ECE1: variants seen among roughly 807,000 people sequenced by gnomAD.
ECE1 encodes the protein endothelin converting enzyme 1, also known as endothelin-converting enzyme 1.
Under a neutral mutation model 98.6 loss-of-function variants are expected in ECE1, and 35 were observed. The observed-to-expected ratio is 0.35, with a 90% CI of 0.27 to 0.47. The LOEUF (loss-of-function observed/expected upper bound fraction) is 0.47, where lower values mean the gene tolerates loss of function less well. Among genes scored for constraint, ECE1 ranks in the 20% least tolerant of loss-of-function variants. ECE1 has a pLI of 1.00. For missense variants in ECE1, 814 were observed against 1,025.3 expected, an observed-to-expected ratio of 0.79 and a Z score of 2.81; for synonymous variants, 394 against 407.1, an observed-to-expected ratio of 0.97 and a Z score of 0.39.
At chr1:21,245,402 C>G (rs1327009457) in intron 9 of ECE1, among the ~76,000 whole-genome samples, 1 of 152,176 alleles carries the variant, frequency 6.6e-6, no homozygotes, top group Non-Finnish European at 1.5e-5. Context: ...CTATGAAGCC[C>G]CAGCATGGAG....
intron 3 of ECE1, among the ~76,000 whole-genome samples, chr1:21,274,410 C>T (rs574266220): frequency 3.3e-5 from 5 of 152,310 alleles, no homozygotes; most frequent in African/African-American, 1.2e-4. Context: ...CAGCTTTCTA[C>T]GTTTGCCAGT....
At chr1:21,238,939 C>G (rs1038030318) in intron 10 of ECE1, among the ~76,000 whole-genome samples, 40 of 152,170 alleles carry the variant, frequency 2.6e-4, no homozygotes, top group Admixed American at 2.4e-3. Context: ...CTTAGCCTCC[C>G]GAGTAGCTGG....
At position 21,254,600 on chromosome 1, in the gene ECE1, C is replaced by T. The variant is rs555040481; in HGVS notation, c.1020+1347G>A. On this transcript the variant is annotated intron_variant, in intron 8 of 18. Coordinates refer to ENST00000374893, the MANE Select transcript of ECE1 (RefSeq NM_001397.3). Reference sequence around the variant, plus strand: ...CGCTATTCCTGGCACAGACAGTTGGCATCATGGCCACGGTAGGGGGCTGAG... The same window carrying T: ...CGCTATTCCTGGCACAGACAGTTGGTATCATGGCCACGGTAGGGGGCTGAG... Among the ~76,000 whole-genome samples, 18 of 152,326 alleles carry T rather than the reference C, an allele frequency of 1.2e-4. No homozygotes were observed. In the South Asian group the frequency reaches 3.7e-3, roughly 32 times the overall value.
At chr1:21,344,281 G>A (rs1366787243) in intron 1 of ECE1, among the ~76,000 whole-genome samples, 1 of 152,078 alleles carries the variant, frequency 6.6e-6, no homozygotes, top group African/African-American at 2.4e-5. Context: ...CCATCCAGGC[G>A]CCCTCGGGCT....
intron 1 of ECE1, among the ~76,000 whole-genome samples, chr1:21,336,713 G>A (rs1018077365): frequency 1.3e-5 from 2 of 151,728 alleles, no homozygotes; most frequent in Non-Finnish European, 2.9e-5. Flanking sequence ...CGTGGTGGCG[G>A]GCACCTGTAG....
intron 1 of ECE1, among the ~76,000 whole-genome samples, chr1:21,328,298 A>G (rs1639125705): frequency 6.6e-6 from 1 of 152,196 alleles, no homozygotes; most frequent in Admixed American, 6.5e-5. Flanking sequence ...AAACTCCCAT[A>G]GCAACCTGCT....
chr1:21,226,717 A>C (rs2098174706), intron 16 of ECE1, among the ~76,000 whole-genome samples: 1 of 152,112 alleles, frequency 6.6e-6, no homozygotes, highest in African/African-American at 2.4e-5. Context: ...TTCTTAGTAG[A>C]TACAATTTTA....
In ECE1 at chr1:21,220,142, G is replaced by T; in HGVS notation, c.2137-11C>A. 1 of 1,605,170 alleles carries T rather than the reference G, an allele frequency of 6.2e-7. No individual in the cohort carries two copies. Among genetic ancestry groups the T allele is most frequent in the East Asian group, 2.2e-5 (1 of 44,708 alleles). ...GACGGAGCACCAGACCTTTGAAGGG[G>T]CAACAGGGAGAGGCCAGGGTCACTG... On this transcript the variant is annotated splice_polypyrimidine_tract_variant and intron_variant, in intron 18 of 18. Transcript: ENST00000374893. This position sits in a 1 kb window ranked among gnomAD's most constrained non-coding sequence, Gnocchi z 5.0.
chr1:21,293,033 A>G (rs1638249204), upstream of ECE1, among the ~76,000 whole-genome samples: 1 of 152,228 alleles, frequency 6.6e-6, no homozygotes, highest in Non-Finnish European at 1.5e-5. Context: ...AGTTCAGTTC[A>G]CAGAACATCT....
In ECE1 at chr1:21,290,053, G is replaced by T. The variant is rs372861114; in HGVS notation, c.138+17C>A. 2.3e-5 allele frequency: 33 copies of T among 1,452,704 alleles called. No individual in the cohort carries two copies. In the East Asian group the frequency reaches 6.9e-4, roughly 31 times the overall value. 90.0% of individuals were successfully genotyped at this position (1,452,704 alleles called of 1,614,324 possible). A position where few individuals can be genotyped will look rare whatever the true frequency, so the allele number is the denominator to read the frequency against. ...CCCGGGGCGCCTGGACCTCGGGAGGGAGCGGAGGGCGCCTACCTGCAGGCC... is the reference window on the plus strand; with the variant it reads ...CCCGGGGCGCCTGGACCTCGGGAGGTAGCGGAGGGCGCCTACCTGCAGGCC... On this transcript the variant is annotated intron_variant, in intron 2 of 18. Transcript: ENST00000374893. The surrounding 1 kb of genome is among the most constrained non-coding windows in gnomAD (Gnocchi z 7.3).
At chr1:21,296,123 C>T (rs1275385044) in intron 1 of ECE1, among the ~76,000 whole-genome samples, 2 of 152,124 alleles carry the variant, frequency 1.3e-5, no homozygotes, top group African/African-American at 4.8e-5. Flanking sequence ...TTTGTTGTTA[C>T]TCTAGCCCTG....
chr1:21,245,132 AGGGACAC>A, intron 9 of ECE1, 29 bp from the exon 10 acceptor site: 1 of 1,589,942 alleles, frequency 6.3e-7, no homozygotes, highest in Non-Finnish European at 8.6e-7. Flanking sequence ...AGAGAGGCTC[AGGGACAC>A]CTAGGCAGGG....
chr1:21,265,519 G>A lies in ECE1; in HGVS notation c.494-5127C>T, dbSNP rs2236845. Among the ~76,000 whole-genome samples, 957 of 152,280 alleles carry A rather than the reference G, an allele frequency of 6.3e-3. 9 individuals are homozygous for A. Among genetic ancestry groups the A allele is most frequent in the Middle Eastern group, 0.027 (8 of 292 alleles). ...TGTACTCCAGCCTGGGCGACAGATCGAGACTTGGTTTCAAACAAAACAAAA... is the reference window on the plus strand; with the variant it reads ...TGTACTCCAGCCTGGGCGACAGATCAAGACTTGGTTTCAAACAAAACAAAA... On this transcript the variant is annotated intron_variant, in intron 4 of 18. Coordinates refer to ENST00000374893, the MANE Select transcript of ECE1 (RefSeq NM_001397.3).
chr1:21,308,780 A>G lies in ECE1; in HGVS notation c.4-18624T>C, dbSNP rs74747974. On this transcript the variant is annotated intron_variant, in intron 1 of 18. Coordinates refer to the ECE1 transcript ENST00000415912. The stretch of plus-strand genomic sequence containing the variant: ...AGCTGGGGCCTGAGCGAATGCTGCA[A>G]GTCCCCCAGGGCTCCTTCTCTGATG... Among the ~76,000 whole-genome samples, 968 of 152,096 alleles carry G rather than the reference A, an allele frequency of 6.4e-3. 6 individuals carry two copies. The highest frequency in any genetic ancestry group is 0.022 in the African/African-American group (893 of 41,498).
intron 3 of ECE1, among the ~76,000 whole-genome samples, chr1:21,277,789 C>A (rs1390073399): frequency 6.6e-6 from 1 of 152,216 alleles, no homozygotes; most frequent in African/African-American, 2.4e-5. Context: ...GCATTAAGCA[C>A]CTGCTGAGCC....
Position 21,286,098 on chromosome 1 carries a change from C to G in ECE1, c.138+3972G>C, listed in dbSNP as rs1025662346. On this transcript the variant is annotated intron_variant, in intron 2 of 18. Coordinates refer to ENST00000374893, the MANE Select transcript of ECE1 (RefSeq NM_001397.3). ...TATCTCACCTTTCTTTTTTTCTTAA[C>G]AACAACAAAAAAAGATTTTTAGAAG... 2.7e-5 allele frequency among the ~76,000 whole-genome samples: 4 copies of G among 150,134 alleles called. No individual in the cohort carries two copies. In the East Asian group the frequency reaches 7.7e-4, roughly 29 times the overall value.
intron 2 of ECE1, among the ~76,000 whole-genome samples, chr1:21,284,082 ACCGATCTGCTTCCAATGG>A: frequency 6.6e-6 from 1 of 152,280 alleles, no homozygotes; most frequent in East Asian, 1.9e-4. Flanking sequence ...GAGTCAGGGC[ACCGATCTGCTTCCAATGG>A]CCGCTGGCCT....
rs1437588994 is a variant in ECE1 at position 21,322,705 on chromosome 1, G to A, written c.3+22671C>T. 1.3e-5 allele frequency among the ~76,000 whole-genome samples: 2 copies of A among 152,354 alleles called. No homozygotes were observed. Among genetic ancestry groups the A allele is most frequent in the Non-Finnish European group, 1.5e-5 (1 of 68,036 alleles). ...CAAGAAAACCCAGCGATGGAGAGGA[G>A]AGGCACAGGAAAGGGGGCAGACAGA... On this transcript the variant is annotated intron_variant, in intron 1 of 18. Transcript: ENST00000415912. The surrounding 1 kb of genome is among the most constrained non-coding windows in gnomAD (Gnocchi z 4.1).
rs1262472291 is a variant in ECE1, at chr1:21,217,572, C to T, written c.*2383G>A. On this transcript the variant is annotated 3_prime_UTR_variant, in exon 19 of 19. Transcript: ENST00000374893. ...TCGGGCTGCACCCCCAGCCCTAGGA[C>T]ACCTGCCTGTGTCCAGGGAGGGGGT... 1 of 152,290 alleles carries T rather than the reference C, an allele frequency of 6.6e-6. No homozygotes were observed. The highest frequency in any genetic ancestry group is 2.4e-5 in the African/African-American group (1 of 41,454). 9.4% of individuals were successfully genotyped at this position (152,290 alleles called of 1,614,324 possible).
Sources: gnomAD v4.1 joint callset for allele counts (sites outside exome capture counted in the v4.1 genomes callset) on GRCh38, gnomAD v4.1.1 for gene constraint, Gnocchi (gnomAD v3.1) non-coding constraint, MANE v1.5 for transcripts, NCBI Gene and HGNC (gene_info 2026-07-23, HGNC 2026-07-21) for gene names.